ARHGAP39: variants seen among roughly 807,000 people sequenced by gnomAD.
The protein encoded by ARHGAP39 is Rho GTPase activating protein 39.
A neutral mutation model predicts 106.9 loss-of-function variants in ARHGAP39; 44 were observed. The ratio of observed to expected loss-of-function variants is 0.41; its 90% CI spans 0.32 to 0.53. The LOEUF (loss-of-function observed/expected upper bound fraction) is 0.53. ARHGAP39 is among the 20% of genes least tolerant of loss of function. ARHGAP39 has a pLI of 0.21. For missense variants in ARHGAP39, 1,496 were observed against 1,577.3 expected (o/e 0.95, Z 0.87); for synonymous variants, 768 against 693.2 (o/e 1.11, Z -1.69).
chr8:144,630,623 C>T (rs559867158), intron 1 of ARHGAP39, among the ~76,000 whole-genome samples: 24 of 152,228 alleles, frequency 1.6e-4, no homozygotes, highest in Non-Finnish European at 3.2e-4. Context: ...AATGAATGTC[C>T]CCCGCCAAAT....
At chr8:144,546,105 C>T (rs893793457) in intron 5 of ARHGAP39, among the ~76,000 whole-genome samples, 6 of 152,158 alleles carry the variant, frequency 3.9e-5, no homozygotes, top group Non-Finnish European at 8.8e-5. Flanking sequence ...GGGGAGCATC[C>T]GCTGGCACCC....
At chr8:144,682,424 C>T (rs1822449490) in intron 1 of ARHGAP39, among the ~76,000 whole-genome samples, 2 of 149,676 alleles carry the variant, frequency 1.3e-5, no homozygotes, top group Non-Finnish European at 3.0e-5. Flanking sequence ...TGGCAGGTGC[C>T]TGTAGTCCCA....
chr8:144,534,109 C>T lies in ARHGAP39; in HGVS notation c.2688+20G>A, dbSNP rs928075084. The T allele has an allele frequency of 3.1e-6, 5 of 1,609,920 alleles. No homozygotes were observed. The highest frequency in any genetic ancestry group is 2.2e-5 in the East Asian group (1 of 44,778). ...CTGTGTCCCCGCCTGCCCTCCCCGG[C>T]CCCCCAGGCGCACCCGTACCTTCTT... On this transcript the variant is annotated intron_variant, in intron 8 of 11. Coordinates refer to ENST00000377307, the MANE Select transcript of ARHGAP39 (RefSeq NM_025251.3).
At chr8:144,573,937 C>T (rs1394015846) in intron 3 of ARHGAP39, among the ~76,000 whole-genome samples, 3 of 151,982 alleles carry the variant, frequency 2.0e-5, no homozygotes, top group Non-Finnish European at 2.9e-5. Context: ...CTTTGGGAGG[C>T]TGAGGCAGGC....
the ARHGAP39 span, among the ~76,000 whole-genome samples, chr8:144,691,127 T>A: frequency 2.6e-5 from 4 of 152,156 alleles, no homozygotes; most frequent in Non-Finnish European, 5.9e-5. Flanking sequence ...CAGGTGACCA[T>A]CCAGTGTGCA....
chr8:144,569,201 T>G (rs1367338908), intron 3 of ARHGAP39, among the ~76,000 whole-genome samples: 2 of 152,234 alleles, frequency 1.3e-5, no homozygotes, highest in Non-Finnish European at 2.9e-5. Flanking sequence ...AGAATATTTC[T>G]AGGAACAAAG....
At chr8:144,584,778 A>G (rs2130906221) in intron 2 of ARHGAP39, among the ~76,000 whole-genome samples, 1 of 152,184 alleles carries the variant, frequency 6.6e-6, no homozygotes, top group Middle Eastern at 3.4e-3. Flanking sequence ...AAATAAATAA[A>G]TAGAATAAAT....
intron 1 of ARHGAP39, among the ~76,000 whole-genome samples, chr8:144,665,588 C>A (rs1369015989): frequency 6.6e-6 from 1 of 152,216 alleles, no homozygotes; most frequent in African/African-American, 2.4e-5. Flanking sequence ...CTGTCCCAGC[C>A]TCTCCAATCG....
At chr8:144,693,374 T>TTTTGTTTG in the ARHGAP39 span, among the ~76,000 whole-genome samples, 3 of 126,032 alleles carry the variant, frequency 2.4e-5, no homozygotes, top group East Asian at 7.7e-4. Context: ...TAAAATTCTT[T>TTTTGTTTG]TTTGTTTGTT....
Position 144,574,981 on chromosome 8 carries a change from A to G in ARHGAP39, c.512+5865T>C, listed in dbSNP as rs530347312. Among the ~76,000 whole-genome samples, 8 of 152,330 alleles carry G rather than the reference A, an allele frequency of 5.3e-5. No individual in the cohort carries two copies. The South Asian group carries it at 1.7e-3, about 32-fold the overall frequency. On this transcript the variant is annotated intron_variant, in intron 3 of 11. Transcript: ENST00000377307. ...GTAAGGCCTGCTACACACCCAGGCT[A>G]TATGGTGTAGCCTATTGCCCCCAGG...
At chr8:144,685,048 C>T (rs879719046) in intron 1 of ARHGAP39, among the ~76,000 whole-genome samples, 40 of 152,316 alleles carry the variant, frequency 2.6e-4, no homozygotes, top group Admixed American at 1.6e-3. Flanking sequence ...GTGCCCCGAG[C>T]TCAGGCTGGG....
chr8:144,629,965 G>A (rs1279913359), intron 1 of ARHGAP39, among the ~76,000 whole-genome samples: 4 of 152,100 alleles, frequency 2.6e-5, no homozygotes, highest in South Asian at 2.1e-4. Context: ...GGGGGCCCTG[G>A]GGGCTGATTC....
At chr8:144,632,064 G>C (rs1173426808) in intron 1 of ARHGAP39, among the ~76,000 whole-genome samples, 2 of 152,318 alleles carry the variant, frequency 1.3e-5, no homozygotes, top group Middle Eastern at 3.4e-3. Context: ...GGGTCTGCCA[G>C]GACCATCACT....
rs545501353 is a variant in ARHGAP39, at chr8:144,604,326, T to G, written c.80+1209A>C. The stretch of plus-strand genomic sequence containing the variant: ...CCGGGAGGACCCAACACCACCTGTA[T>G]GGCATTCTCCTGAAAAACTGTCAGA... On this transcript the variant is annotated intron_variant, in intron 2 of 11. Coordinates refer to ENST00000377307, the MANE Select transcript of ARHGAP39 (RefSeq NM_025251.3). This position sits in a 1 kb window ranked among gnomAD's most constrained non-coding sequence, Gnocchi z 4.1. Among the ~76,000 whole-genome samples, 20 of 152,306 alleles carry G rather than the reference T, an allele frequency of 1.3e-4. No homozygotes were observed. Among genetic ancestry groups the G allele is most frequent in the Admixed American group, 7.2e-4 (11 of 15,298 alleles).
intron 2 of ARHGAP39, among the ~76,000 whole-genome samples, chr8:144,601,476 G>C (rs538004058): frequency 1.4e-5 from 2 of 141,222 alleles, no homozygotes. Context: ...GTGTGTGTGC[G>C]AGCTCATGTA....
intron 2 of ARHGAP39, among the ~76,000 whole-genome samples, chr8:144,587,748 A>C (rs529752362): frequency 6.8e-6 from 1 of 146,720 alleles, no homozygotes; most frequent in African/African-American, 2.6e-5. Flanking sequence ...TCTGCCTCCC[A>C]GGTTCAAGTG....
At chr8:144,537,587 A>C (rs761848017) in intron 7 of ARHGAP39, 134 bp downstream of exon 7, 23 of 779,468 alleles carry the variant, frequency 3.0e-5, no homozygotes, top group Non-Finnish European at 4.1e-5. Flanking sequence ...CTCGCTCAGG[A>C]GGCCACAGGC....
At chr8:144,603,751 T>C (rs375345252) in intron 2 of ARHGAP39, among the ~76,000 whole-genome samples, 13 of 151,194 alleles carry the variant, frequency 8.6e-5, no homozygotes, top group East Asian at 3.9e-4. Context: ...GCACTGAATG[T>C]TCTAAGAACC....
intron 1 of ARHGAP39, among the ~76,000 whole-genome samples, chr8:144,649,172 G>A (rs541194291): frequency 2.2e-4 from 33 of 152,116 alleles, no homozygotes; most frequent in Middle Eastern, 3.4e-3. Flanking sequence ...GGCCAGGTGC[G>A]GTGGCTCACG....
Sources: gnomAD v4.1 joint callset for allele counts (sites outside exome capture counted in the v4.1 genomes callset) on GRCh38, gnomAD v4.1.1 for gene constraint, Gnocchi (gnomAD v3.1) non-coding constraint, MANE v1.5 for transcripts, NCBI Gene and HGNC (gene_info 2026-07-23, HGNC 2026-07-21) for gene names.